The following TRIOBP variants were observed in gnomAD, a reference collection of about 807,000 sequenced individuals.
TRIOBP encodes TRIO and F-actin binding protein.
TRIOBP carries 169 observed loss-of-function variants against 238.8 expected under a neutral mutation model. That is an observed-to-expected ratio of 0.71 (90% CI 0.62 to 0.80). The LOEUF is 0.80. Ranked by LOEUF, TRIOBP falls within the 30% of genes least tolerant of loss-of-function variation. The pLI, the probability that TRIOBP is intolerant of heterozygous loss-of-function variation, is 0.00. For missense variants in TRIOBP, 2,838 were observed against 3,122.6 expected (o/e 0.91, Z 2.17); for synonymous variants, 1,150 against 1,274.4 (o/e 0.90, Z 2.08).
At chr22:37,732,524 A>AAAG (rs1924475045) in intron 7 of TRIOBP, among the ~76,000 whole-genome samples, 1 of 151,402 alleles carries the variant, frequency 6.6e-6, no homozygotes, top group Non-Finnish European at 1.5e-5. Flanking sequence ...AAAAAAAAAA[A>AAAG]AAAAAGACAC....
At chr22:37,714,626 G>T (rs1351548087) in intron 5 of TRIOBP, among the ~76,000 whole-genome samples, 1 of 151,940 alleles carries the variant, frequency 6.6e-6, no homozygotes, top group Non-Finnish European at 1.5e-5. Context: ...TTGCACCATT[G>T]CACTCCAGCC....
chr22:37,712,304 C>T (rs5756787), intron 4 of TRIOBP, among the ~76,000 whole-genome samples: 121,326 of 151,042 alleles, frequency 0.8, 50,957 homozygotes, highest in East Asian at 1. Flanking sequence ...TCCAGGCATA[C>T]ACCACCACAC....
At chr22:37,741,159 T>C (rs1483907092) in intron 11 of TRIOBP, 127 bp downstream of exon 11, 1 of 1,301,576 alleles carries the variant, frequency 7.7e-7, no homozygotes, top group East Asian at 2.5e-5. Flanking sequence ...GGCCGTCGCA[T>C]GACAGGAGAG....
At chr22:37,751,150 C>T (rs1381320248) in intron 11 of TRIOBP, 2 of 428,794 alleles carry the variant, frequency 4.7e-6, no homozygotes, top group Admixed American at 5.8e-5. Context: ...CATGCTGCAG[C>T]TGGTAGCCCC....
intron 7 of TRIOBP, among the ~76,000 whole-genome samples, chr22:37,731,421 G>A (rs1338507429): frequency 6.7e-6 from 1 of 150,052 alleles, no homozygotes; most frequent in African/African-American, 2.5e-5. Flanking sequence ...AATTACAGGT[G>A]TAAAGACACT....
intron 17 of TRIOBP, among the ~76,000 whole-genome samples, chr22:37,761,417 G>A (rs1926238760): frequency 6.6e-6 from 1 of 152,188 alleles, no homozygotes; most frequent in Admixed American, 6.5e-5. Context: ...TCCTGCCACT[G>A]CAGCCTGGGT....
Position 37,701,362 on chromosome 22 carries a change from C to T in TRIOBP, c.-4C>T, listed in dbSNP as rs1922633947. 3 of 1,610,480 alleles carry T rather than the reference C, an allele frequency of 1.9e-6. No homozygotes were observed. Among genetic ancestry groups the T allele is most frequent in the Non-Finnish European group, 2.5e-6 (3 of 1,177,890 alleles). On this transcript the variant is annotated 5_prime_UTR_variant, in exon 3 of 24. Coordinates refer to ENST00000644935, the MANE Select transcript of TRIOBP (RefSeq NM_001039141.3). ...AGGAACTGCCCTGGCCTGACTCACC[C>T]AATATGGAGGAGGTGCCTGGGGATG...
chr22:37,719,471 G>A (rs1923710097), intron 6 of TRIOBP, among the ~76,000 whole-genome samples: 2 of 152,170 alleles, frequency 1.3e-5, no homozygotes, highest in South Asian at 4.2e-4. Context: ...AGATGCTCAG[G>A]GAAGCAGGGG....
chr22:37,746,215 G>GAGAA (rs1555898829), intron 11 of TRIOBP: 53 of 969,458 alleles, frequency 5.5e-5, no homozygotes, highest in Non-Finnish European at 6.4e-5. Flanking sequence ...CAGGAAGTTT[G>GAGAA]AAAAAAAAAA....
chr22:37,747,751 G>C (rs1925360790), intron 11 of TRIOBP, among the ~76,000 whole-genome samples: 1 of 152,254 alleles, frequency 6.6e-6, no homozygotes, highest in Non-Finnish European at 1.5e-5. Context: ...AAGGTTGGTA[G>C]TAACATCTTA....
rs1045441135 is a variant in TRIOBP, at chr22:37,757,923, G to A, written c.5998G>A (p.Val2000Met). 17 of 1,554,362 alleles carry A rather than the reference G, an allele frequency of 1.1e-5. No homozygotes were observed. Among genetic ancestry groups the A allele is most frequent in the Middle Eastern group, 1.7e-4 (1 of 5,846 alleles). ...FEATDSRTPE[V>M]PAGEGPRRGL... ...GGCCACAGACAGCAGGACCCCAGAG[G>A]TGCCTGCTGGTGAGGGGCCGCGCCG... Residue 2000 changes from valine (V) to methionine (M), a missense_variant, in exon 16 of 24, where the codon GTG (valine) becomes ATG (methionine). Transcript: ENST00000644935.
intron 11 of TRIOBP, chr22:37,746,326 G>A: frequency 8.7e-7 from 1 of 1,151,802 alleles, no homozygotes; most frequent in Non-Finnish European, 1.1e-6. Flanking sequence ...GGCGGCGGCG[G>A]CGGCGGCGGG....
intron 11 of TRIOBP, among the ~76,000 whole-genome samples, chr22:37,744,332 TTTAC>T (rs1157297336): frequency 6.6e-6 from 1 of 152,140 alleles, no homozygotes; most frequent in Non-Finnish European, 1.5e-5. Context: ...CATCTCTTTA[TTTAC>T]TTATTGTATT....
intron 11 of TRIOBP, among the ~76,000 whole-genome samples, chr22:37,748,961 A>G (rs947687611): frequency 3.9e-5 from 6 of 152,128 alleles, no homozygotes; most frequent in African/African-American, 1.4e-4. Context: ...AGGAATATGC[A>G]GTGGTATAAA....
At chr22:37,735,592 C>A in intron 9 of TRIOBP, 150 bp downstream of exon 9, 2 of 909,808 alleles carry the variant, frequency 2.2e-6, no homozygotes, top group Non-Finnish European at 3.4e-6. Context: ...ACAACCCATC[C>A]CGATCACCAA....
intron 18 of TRIOBP, among the ~76,000 whole-genome samples, chr22:37,766,867 A>T (rs938624902): frequency 3.3e-5 from 5 of 152,082 alleles, no homozygotes; most frequent in African/African-American, 1.2e-4. Context: ...AGGCTAAGGC[A>T]GGAGAATCTC....
rs78758968 is a variant in TRIOBP at position 37,759,212 on chromosome 22, G to A, written c.6272G>A (p.Ser2091Asn). ...AWRLQGEAPQSALRSQEDGHI... is the reference protein window; with the variant it reads ...AWRLQGEAPQNALRSQEDGHI... ...CGTCTCCAAGGGGAGGCTCCTCAGA[G>A]TGCACTGAGATCCCAGGAGGATGGC... is the stretch of plus-strand genomic sequence containing the variant. Residue 2091 changes from serine to asparagine, a missense_variant, in exon 17 of 24, where the codon AGT (serine) becomes AAT (asparagine). Ser to Asn is a conservative substitution (Grantham distance 46). Coordinates refer to ENST00000644935, the MANE Select transcript of TRIOBP (RefSeq NM_001039141.3). 5 of 1,612,964 alleles carry A rather than the reference G, an allele frequency of 3.1e-6. No homozygotes were observed. The highest frequency in any genetic ancestry group is 4.2e-6 in the Non-Finnish European group (5 of 1,180,020).
Position 37,741,014 on chromosome 22 carries a change from G to T in TRIOBP, c.5304G>T (p.Gly1768=). 1 of 1,562,100 alleles carries T rather than the reference G, an allele frequency of 6.4e-7. No homozygotes were observed. The highest frequency in any genetic ancestry group is 2.4e-5 in the East Asian group (1 of 42,210). ...TCAATCCGTTCCTGCTGTCTCTGGG[G>T]GTCCTCAGGTGGCGAAGGGTAGGCT... ...TLFNPFLLSL[G]VLRWRRPDLL... is the part of the protein sequence containing the mutation. Residue 1768 remains glycine, a synonymous_variant, in exon 11 of 24, where the codon GGG becomes GGT. Coordinates refer to ENST00000644935, the MANE Select transcript of TRIOBP (RefSeq NM_001039141.3).
chr22:37,707,093 T>C (rs192829069), intron 3 of TRIOBP, among the ~76,000 whole-genome samples: 10 of 151,730 alleles, frequency 6.6e-5, no homozygotes, highest in Non-Finnish European at 1.5e-4. Context: ...CATGGTGAAA[T>C]CCTGACTCTA....
Sources: allele counts gnomAD v4.1 joint callset (sites outside exome capture counted in the v4.1 genomes callset), GRCh38; gene constraint gnomAD v4.1.1; transcripts MANE v1.5; gene names NCBI Gene and HGNC (gene_info 2026-07-23, HGNC 2026-07-21).